The following TOM1L2 variants were observed in gnomAD, a reference collection of about 807,000 sequenced individuals.
TOM1L2 encodes the protein TOM1-like protein 2.
Under a neutral mutation model 67.9 loss-of-function variants are expected in TOM1L2, and 31 were observed. That is an observed-to-expected ratio of 0.46 (90% CI 0.34 to 0.62). TOM1L2 has a LOEUF of 0.62. Ranked by LOEUF, TOM1L2 falls within the 20% of genes least tolerant of loss-of-function variation. TOM1L2 has a pLI of 0.01. For synonymous variants in TOM1L2, 256 were observed against 254.0 expected, an observed-to-expected ratio of 1.01 and a Z score of -0.07; for missense variants, 606 against 663.5, an observed-to-expected ratio of 0.91 and a Z score of 0.95.
intron 2 of TOM1L2, among the ~76,000 whole-genome samples, chr17:17,900,904 C>T (rs2038822159): frequency 6.6e-6 from 1 of 152,230 alleles, no homozygotes; most frequent in Non-Finnish European, 1.5e-5. Context: ...CACTGCTGTC[C>T]CTGACCCACA....
intron 10 of TOM1L2, among the ~76,000 whole-genome samples, chr17:17,864,304 G>A (rs1384303803): frequency 4.7e-5 from 7 of 150,248 alleles, no homozygotes; most frequent in African/African-American, 1.2e-4. Context: ...TCCGCCTCCC[G>A]GGTTCACGCC....
chr17:17,901,887 G>C (rs1054530746), intron 2 of TOM1L2, among the ~76,000 whole-genome samples: 14 of 147,730 alleles, frequency 9.5e-5, no homozygotes, highest in Non-Finnish European at 2.0e-4. Flanking sequence ...GGAAAACAGA[G>C]TCTAAAACAG....
chr17:17,890,432 A>G (rs907358455), intron 4 of TOM1L2, among the ~76,000 whole-genome samples: 1 of 152,148 alleles, frequency 6.6e-6, no homozygotes, highest in African/African-American at 2.4e-5. Flanking sequence ...TTAAAAAGGA[A>G]TATATATATG....
intron 1 of TOM1L2, among the ~76,000 whole-genome samples, chr17:17,929,950 G>C (rs1036246829): frequency 5.9e-5 from 9 of 152,214 alleles, no homozygotes; most frequent in African/African-American, 1.9e-4. Flanking sequence ...CAGAGAGTGA[G>C]TGACAGCTCT....
intron 10 of TOM1L2, among the ~76,000 whole-genome samples, chr17:17,864,361 C>A (rs1598207782): frequency 6.6e-6 from 1 of 151,770 alleles, no homozygotes. Flanking sequence ...CAGCCGCCCA[C>A]CACCACGCCT....
Position 17,866,287 on chromosome 17 carries a change from G to A in TOM1L2, c.1084+9C>T, listed in dbSNP as rs1243325578. On this transcript the variant is annotated intron_variant, in intron 10 of 14. Transcript: ENST00000379504. ...TAGGTAGGCCCTTTTGTCCCTGTGA[G>A]ACACTCACCTAAGCCTGCAAGCTGG... 1.2e-6 allele frequency: 2 copies of A among 1,610,910 alleles called. No homozygotes were observed. The highest frequency in any genetic ancestry group is 1.7e-6 in the Non-Finnish European group (2 of 1,178,702).
chr17:17,878,387 G>C lies in TOM1L2; in HGVS notation c.777+1240C>G, dbSNP rs534573062. Among the ~76,000 whole-genome samples, 11 of 152,284 alleles carry C rather than the reference G, an allele frequency of 7.2e-5. No individual in the cohort carries two copies. In the South Asian group the frequency reaches 1.7e-3, roughly 23 times the overall value. ...GTTACATGGAGACAAGTTGTTTCCC[G>C]GTCTATTTCCTGCAAAAAGCTGCAA... is the stretch of plus-strand genomic sequence containing the variant. On this transcript the variant is annotated intron_variant, in intron 7 of 14. Transcript: ENST00000379504.
At chr17:17,919,832 C>CAT (rs2039779701) in intron 1 of TOM1L2, among the ~76,000 whole-genome samples, 1 of 152,170 alleles carries the variant, frequency 6.6e-6, no homozygotes. Flanking sequence ...TCTTGACAGA[C>CAT]ATTACCTCAT....
In TOM1L2 at chr17:17,893,654, A is replaced by G; in HGVS notation, c.366+7T>C. 6.2e-7 allele frequency: 1 copy of G among 1,613,238 alleles called. No individual in the cohort carries two copies. The highest frequency in any genetic ancestry group is 8.5e-7 in the Non-Finnish European group (1 of 1,179,540). On this transcript the variant is annotated splice_region_variant and intron_variant, in intron 4 of 14. Coordinates refer to ENST00000379504, the MANE Select transcript of TOM1L2 (RefSeq NM_001082968.2). ...TTCCAACAAATTGGGCAAGGGGTCC[A>G]ACCTACCTGGATCAGAGCAAGCACT...
intron 1 of TOM1L2, among the ~76,000 whole-genome samples, chr17:17,927,119 CT>C (rs1358490914): frequency 3.3e-5 from 5 of 152,180 alleles, no homozygotes; most frequent in African/African-American, 4.8e-5. Context: ...ATTTTCCTAG[CT>C]TTTCGGATTT....
chr17:17,954,025 TAGTC>T (rs1403804533), intron 1 of TOM1L2, among the ~76,000 whole-genome samples: 1 of 152,256 alleles, frequency 6.6e-6, no homozygotes, highest in Non-Finnish European at 1.5e-5. Context: ...TGCATTCAAA[TAGTC>T]AGATAATTAT....
chr17:17,928,763 T>C (rs924180470), intron 1 of TOM1L2, among the ~76,000 whole-genome samples: 2 of 152,178 alleles, frequency 1.3e-5, no homozygotes, highest in Admixed American at 6.5e-5. Context: ...TCAAACAGAA[T>C]AGAACATAAA....
At chr17:17,862,541 G>C (rs959691591) in intron 11 of TOM1L2, 190 bp downstream of exon 11, 8 of 599,430 alleles carry the variant, frequency 1.3e-5, no homozygotes, top group Admixed American at 1.3e-4. Flanking sequence ...GTTTGGGGGG[G>C]TGGGGGAGGA....
intron 8 of TOM1L2, 140 bp downstream of exon 8, chr17:17,869,200 A>G: frequency 6.7e-7 from 1 of 1,483,670 alleles, no homozygotes; most frequent in African/African-American, 1.4e-5. Flanking sequence ...GCCGGGAACA[A>G]ATTAGCATCT....
intron 2 of TOM1L2, among the ~76,000 whole-genome samples, chr17:17,902,958 G>A (rs1030950911): frequency 4.6e-5 from 7 of 152,104 alleles, no homozygotes; most frequent in Admixed American, 1.3e-4. Flanking sequence ...ACACAGGCTC[G>A]CACAATAAGC....
At chr17:17,855,831 C>T (rs1294652760) in intron 12 of TOM1L2, among the ~76,000 whole-genome samples, 1 of 152,164 alleles carries the variant, frequency 6.6e-6, no homozygotes, top group Non-Finnish European at 1.5e-5. Flanking sequence ...GGGACCAAGT[C>T]TAAAAGCCTT....
intron 1 of TOM1L2, among the ~76,000 whole-genome samples, chr17:17,930,472 C>A (rs189907731): frequency 1.3e-5 from 2 of 152,170 alleles, no homozygotes; most frequent in East Asian, 3.9e-4. Context: ...CCTCCTGACA[C>A]TTGGGGCTCC....
intron 1 of TOM1L2, among the ~76,000 whole-genome samples, chr17:17,915,841 GTT>G (rs34675283): frequency 1.2e-3 from 161 of 130,336 alleles, no homozygotes; most frequent in South Asian, 2.2e-3. Flanking sequence ...AACTGAGTAG[GTT>G]TTTTTTTTTT....
chr17:17,876,342 T>C (rs2037420990), intron 7 of TOM1L2, among the ~76,000 whole-genome samples: 1 of 152,224 alleles, frequency 6.6e-6, no homozygotes. Flanking sequence ...CTCCATTTTA[T>C]GTCTGCTTCT....
Sources: allele counts gnomAD v4.1 joint callset (sites outside exome capture counted in the v4.1 genomes callset), GRCh38; gene constraint gnomAD v4.1.1; transcripts MANE v1.5; gene names NCBI Gene and HGNC (gene_info 2026-07-23, HGNC 2026-07-21).